The following KATNAL1 variants were observed in gnomAD, a reference collection of about 807,000 sequenced individuals.
KATNAL1 encodes katanin catalytic subunit A1 like 1.
Under a neutral mutation model 55.2 loss-of-function variants are expected in KATNAL1, and 32 were observed. The ratio of observed to expected loss-of-function variants is 0.58; its 90% CI spans 0.44 to 0.78. The LOEUF (loss-of-function observed/expected upper bound fraction) is 0.78, where lower values mean the gene tolerates loss of function less well. Among genes scored for constraint, KATNAL1 ranks in the 30% least tolerant of loss-of-function variants. The pLI, the probability that KATNAL1 is intolerant of heterozygous loss-of-function variation, is 0.00. For synonymous variants in KATNAL1, 193 were observed against 193.6 expected, an observed-to-expected ratio of 1.00 and a Z score of 0.02; for missense variants, 466 against 600.9, an observed-to-expected ratio of 0.78 and a Z score of 2.35.
At chr13:30,243,281 T>C (rs1566102658) in intron 4 of KATNAL1, among the ~76,000 whole-genome samples, 2 of 152,172 alleles carry the variant, frequency 1.3e-5, no homozygotes, top group Non-Finnish European at 2.9e-5. Flanking sequence ...TAATCTTCTA[T>C]TTGAGGAAAA....
rs1873329672 is a variant in KATNAL1 at position 30,208,210 on chromosome 13, T to G, written c.*330A>C. ...CAGAATTGGAAAAAAAAACTGCAAATGAGAAATAGGGGTATTTCTAAATCT... is the reference window on the plus strand; with the variant it reads ...CAGAATTGGAAAAAAAAACTGCAAAGGAGAAATAGGGGTATTTCTAAATCT... On this transcript the variant is annotated 3_prime_UTR_variant, in exon 11 of 11. Coordinates refer to ENST00000380615, the MANE Select transcript of KATNAL1 (RefSeq NM_032116.5). The G allele has an allele frequency of 1.1e-5, 2 of 181,462 alleles. No individual in the cohort carries two copies. Among genetic ancestry groups the G allele is most frequent in the Non-Finnish European group, 2.3e-5 (2 of 88,038 alleles). 11.2% of individuals were successfully genotyped at this position (181,462 alleles called of 1,614,324 possible).
chr13:30,272,854 C>A (rs1229473855), intron 3 of KATNAL1, among the ~76,000 whole-genome samples: 1 of 152,138 alleles, frequency 6.6e-6, no homozygotes, highest in Admixed American at 6.5e-5. Flanking sequence ...GAATTTAGAC[C>A]CTGAAAAACA....
chr13:30,210,612 T>C, intron 9 of KATNAL1, 170 bp from the exon 10 acceptor site: 1 of 333,214 alleles, frequency 3.0e-6, no homozygotes. Context: ...TGGAATCATT[T>C]AAATTCCTAT....
At chr13:30,220,410 G>A (rs1038724110) in intron 9 of KATNAL1, among the ~76,000 whole-genome samples, 3 of 151,818 alleles carry the variant, frequency 2.0e-5, no homozygotes, top group African/African-American at 4.8e-5. Flanking sequence ...GCAGTGAGCC[G>A]AAACCACGCC....
intron 1 of KATNAL1, among the ~76,000 whole-genome samples, chr13:30,306,112 T>C (rs1425147426): frequency 6.6e-6 from 1 of 152,158 alleles, no homozygotes; most frequent in Non-Finnish European, 1.5e-5. Context: ...ACTTACTCCA[T>C]AAAGCAGCAA....
chr13:30,290,377 T>G (rs988080988), intron 1 of KATNAL1, among the ~76,000 whole-genome samples: 14 of 151,640 alleles, frequency 9.2e-5, no homozygotes, highest in Non-Finnish European at 1.9e-4. Context: ...GGGCTATCAC[T>G]ACAAACCTTG....
At chr13:30,246,364 C>G (rs949964062) in intron 4 of KATNAL1, among the ~76,000 whole-genome samples, 8 of 152,128 alleles carry the variant, frequency 5.3e-5, no homozygotes, top group Non-Finnish European at 8.8e-5. Context: ...AAACTGGACC[C>G]CTTCCTTACA....
intron 9 of KATNAL1, among the ~76,000 whole-genome samples, chr13:30,219,679 T>C (rs1177799670): frequency 2.0e-5 from 3 of 152,222 alleles, no homozygotes; most frequent in Non-Finnish European, 2.9e-5. Context: ...ATTATAATTA[T>C]TGGTTTGGGA....
chr13:30,301,184 A>AACAACC (rs1882829129), intron 1 of KATNAL1, among the ~76,000 whole-genome samples: 1 of 152,152 alleles, frequency 6.6e-6, no homozygotes, highest in Non-Finnish European at 1.5e-5. Flanking sequence ...CCTGGCCAAC[A>AACAACC]TGGCAAAACC....
chr13:30,274,891 A>ACATACGCGTG (rs55740915), intron 3 of KATNAL1, among the ~76,000 whole-genome samples: 42 of 122,178 alleles, frequency 3.4e-4, no homozygotes, highest in Admixed American at 7.6e-4. Context: ...GCACACACAT[A>ACATACGCGTG]CGCGCGCGCG....
chr13:30,259,025 A>G (rs1418128777), intron 3 of KATNAL1, among the ~76,000 whole-genome samples: 4 of 152,236 alleles, frequency 2.6e-5, no homozygotes, highest in Non-Finnish European at 5.9e-5. Flanking sequence ...AATGAAAGGC[A>G]CTATGCTATA....
chr13:30,282,526 T>C (rs1468112732), intron 2 of KATNAL1, among the ~76,000 whole-genome samples: 1 of 151,854 alleles, frequency 6.6e-6, no homozygotes, highest in South Asian at 2.1e-4. Flanking sequence ...TCCCCCTAGC[T>C]ACTTGGGAAG....
chr13:30,285,890 G>A (rs1306011660), intron 1 of KATNAL1, among the ~76,000 whole-genome samples: 1 of 152,194 alleles, frequency 6.6e-6, no homozygotes, highest in Non-Finnish European at 1.5e-5. Context: ...AAAGAGACTG[G>A]CAGCATTTTG....
intron 3 of KATNAL1, among the ~76,000 whole-genome samples, chr13:30,262,913 C>A (rs1285108311): frequency 3.3e-5 from 5 of 151,930 alleles, no homozygotes; most frequent in African/African-American, 1.2e-4. Context: ...AGAGACACAC[C>A]CAAAAAAGAG....
At chr13:30,270,924 A>C (rs970888374) in intron 3 of KATNAL1, among the ~76,000 whole-genome samples, 3 of 151,322 alleles carry the variant, frequency 2.0e-5, no homozygotes, top group African/African-American at 7.4e-5. Flanking sequence ...AAAAATAATA[A>C]AATAAAAAAA....
intron 3 of KATNAL1, 94 bp from the exon 4 acceptor site, chr13:30,255,709 A>C (rs1034744375): frequency 2.6e-6 from 3 of 1,164,162 alleles, no homozygotes; most frequent in Non-Finnish European, 3.2e-6. Context: ...AAAATTGTTA[A>C]ATCAAAAAGC....
In KATNAL1 at chr13:30,203,206, A is replaced by ACCTCTC. The variant is rs1872837107; in HGVS notation, c.*5333_*5334insGAGAGG. On this transcript the variant is annotated 3_prime_UTR_variant, in exon 11 of 11. Transcript: ENST00000380615. ...ACATTTCACAGAGGCCTTATTTGGA[A>ACCTCTC]TACAAACACTTTGCTAGAGAAAGAA... 6.6e-6 allele frequency: 1 copy of ACCTCTC among 152,244 alleles called. No individual in the cohort carries two copies. Among genetic ancestry groups the ACCTCTC allele is most frequent in the East Asian group, 1.9e-4 (1 of 5,202 alleles). The allele number at this position is 152,244 out of a possible 1,614,324, so 9.4% of individuals were successfully genotyped here.
intron 3 of KATNAL1, among the ~76,000 whole-genome samples, chr13:30,279,362 A>G (rs192972642): frequency 2.1e-4 from 32 of 152,346 alleles, no homozygotes; most frequent in African/African-American, 7.5e-4. Flanking sequence ...CATGATAACC[A>G]CTATGAACAA....
intron 9 of KATNAL1, among the ~76,000 whole-genome samples, chr13:30,217,077 C>T (rs923815757): frequency 3.5e-5 from 5 of 143,014 alleles, no homozygotes; most frequent in African/African-American, 7.6e-5. Context: ...TGATTGGTGG[C>T]GGGGGGGTGG....
Sources: allele counts gnomAD v4.1 joint callset (sites outside exome capture counted in the v4.1 genomes callset), GRCh38; gene constraint gnomAD v4.1.1; transcripts MANE v1.5; gene names NCBI Gene and HGNC (gene_info 2026-07-23, HGNC 2026-07-21).